Variants in PDE1C observed in about 807,000 individuals in gnomAD.
PDE1C encodes phosphodiesterase 1C, also known as dual specificity calcium/calmodulin-dependent 3',5'-cyclic nucleotide phosphodiesterase 1C.
Under a neutral mutation model 93.1 loss-of-function variants are expected in PDE1C, and 62 were observed. The ratio of observed to expected loss-of-function variants is 0.67; its 90% confidence interval spans 0.54 to 0.82. The LOEUF is 0.82. Among genes scored for constraint, PDE1C ranks in the 40% least tolerant of loss-of-function variants. The probability of loss-of-function intolerance (pLI) is 0.00; values close to 1 mark genes in which losing one functional copy is unlikely to be tolerated. For missense variants in PDE1C, 742 were observed against 884.6 expected (o/e 0.84, Z 2.04); for synonymous variants, 325 against 310.1 (o/e 1.05, Z -0.50).
intron 2 of PDE1C, among the ~76,000 whole-genome samples, chr7:31,889,641 GAT>G: frequency 6.6e-6 from 1 of 152,144 alleles, no homozygotes. Context: ...CTCCTTTGGG[GAT>G]ATATGTTTGT....
chr7:31,995,647 C>T (rs1290089917), intron 2 of PDE1C, among the ~76,000 whole-genome samples: 1 of 151,966 alleles, frequency 6.6e-6, no homozygotes, highest in Non-Finnish European at 1.5e-5. Flanking sequence ...GCTAGTTCCT[C>T]GTGGGCAAGA....
At chr7:31,667,327 C>G in the PDE1C span, among the ~76,000 whole-genome samples, 1 of 152,290 alleles carries the variant, frequency 6.6e-6, no homozygotes, top group African/African-American at 2.4e-5. Context: ...TGTGGAATTC[C>G]ACAGACTATC....
intron 2 of PDE1C, among the ~76,000 whole-genome samples, chr7:31,904,994 T>C (rs1800415762): frequency 6.6e-6 from 1 of 152,152 alleles, no homozygotes; most frequent in Non-Finnish European, 1.5e-5. Context: ...ATGGGCTGGA[T>C]ACTATATTAG....
chr7:31,622,830 G>T, the PDE1C span, among the ~76,000 whole-genome samples: 1 of 151,992 alleles, frequency 6.6e-6, no homozygotes, highest in African/African-American at 2.4e-5. Context: ...CTGGTTTTTT[G>T]AAATGATCAA....
chr7:31,793,968 T>G (rs896455261), intron 16 of PDE1C, among the ~76,000 whole-genome samples: 5 of 149,960 alleles, frequency 3.3e-5, no homozygotes, highest in Non-Finnish European at 7.4e-5. Flanking sequence ...GAAGGACAGA[T>G]AGACAGACAC....
intron 1 of PDE1C, among the ~76,000 whole-genome samples, chr7:32,227,448 A>G (rs115777859): frequency 0.015 from 2,246 of 152,254 alleles, 76 homozygotes; most frequent in African/African-American, 0.052. Context: ...CTCCCCTGGT[A>G]GACTGTCGGC....
chr7:32,076,897 A>G (rs1796387804), intron 3 of PDE1C, among the ~76,000 whole-genome samples: 1 of 151,608 alleles, frequency 6.6e-6, no homozygotes, highest in South Asian at 2.1e-4. Context: ...AAGAATGCCA[A>G]CTAATAATAC....
intron 2 of PDE1C, among the ~76,000 whole-genome samples, chr7:31,948,079 A>C (rs1398709775): frequency 6.6e-6 from 1 of 152,210 alleles, no homozygotes; most frequent in Non-Finnish European, 1.5e-5. Context: ...TTCCCCTTGT[A>C]CAGCACCTAC....
intron 2 of PDE1C, among the ~76,000 whole-genome samples, chr7:31,894,580 G>A (rs1799036510): frequency 6.6e-6 from 1 of 152,196 alleles, no homozygotes; most frequent in Non-Finnish European, 1.5e-5. Flanking sequence ...ACCAGGTGCA[G>A]ATTCCTTCTT....
chr7:31,957,231 G>A (rs377651402), intron 2 of PDE1C, among the ~76,000 whole-genome samples: 8 of 150,770 alleles, frequency 5.3e-5, no homozygotes, highest in African/African-American at 2.0e-4. Context: ...GCAACCCCAC[G>A]TTGACATTTC....
At chr7:31,786,536 T>C (rs1293699610) in intron 16 of PDE1C, 1 of 152,138 alleles carries the variant, frequency 6.6e-6, no homozygotes, top group Non-Finnish European at 1.5e-5. Context: ...CATTCACAAG[T>C]GGATAGTGGA....
upstream of PDE1C, chr7:32,070,856 G>A (rs1795978502): frequency 1.0e-6 from 1 of 986,368 alleles, no homozygotes; most frequent in East Asian, 1.1e-4. Flanking sequence ...GAGCAAAGCG[G>A]GAGCCGGCGC....
chr7:31,657,626 G>A, the PDE1C span, among the ~76,000 whole-genome samples: 2 of 151,994 alleles, frequency 1.3e-5, no homozygotes, highest in Non-Finnish European at 1.5e-5. Context: ...GTTCCTGAAT[G>A]ATTATCTGTG....
chr7:32,172,289 T>C (rs2128806702), intron 2 of PDE1C, among the ~76,000 whole-genome samples: 1 of 152,044 alleles, frequency 6.6e-6, no homozygotes, highest in East Asian at 1.9e-4. Context: ...TGCAATCTAC[T>C]CATCTGACAA....
At chr7:31,895,749 C>G (rs1044168018) in intron 2 of PDE1C, among the ~76,000 whole-genome samples, 1 of 151,944 alleles carries the variant, frequency 6.6e-6, no homozygotes, top group South Asian at 2.1e-4. Context: ...GTGCTGTTCT[C>G]GTGACAGTGA....
At chr7:31,670,818 G>A in the PDE1C span, among the ~76,000 whole-genome samples, 2 of 152,026 alleles carry the variant, frequency 1.3e-5, no homozygotes, top group Admixed American at 6.5e-5. Flanking sequence ...GGCCCACCTG[G>A]TCTCCCATCC....
intron 1 of PDE1C, among the ~76,000 whole-genome samples, chr7:32,258,484 C>T (rs988961524): frequency 2.6e-5 from 4 of 152,134 alleles, no homozygotes; most frequent in African/African-American, 9.7e-5. Context: ...GGGCCCTGCA[C>T]GTGGGGGTGA....
chr7:32,084,032 C>T (rs1223770195), intron 3 of PDE1C, among the ~76,000 whole-genome samples: 1 of 151,554 alleles, frequency 6.6e-6, no homozygotes, highest in Admixed American at 6.6e-5. Flanking sequence ...GGACTAAATG[C>T]TCCAATTAAA....
At chr7:32,427,797 C>A (rs1261047504) in intron 1 of PDE1C, 2 of 152,272 alleles carry the variant, frequency 1.3e-5, no homozygotes, top group Non-Finnish European at 2.9e-5. Flanking sequence ...TCTGTGAGAT[C>A]CTTAAGCAAG....
Sources: allele counts gnomAD v4.1 joint callset (sites outside exome capture counted in the v4.1 genomes callset), GRCh38; gene constraint gnomAD v4.1.1; transcripts MANE v1.5; gene names NCBI Gene and HGNC (gene_info 2026-07-23, HGNC 2026-07-21).